Variants in RNF180 observed in about 807,000 individuals in gnomAD.
RNF180 encodes ring finger protein 180, also known as E3 ubiquitin-protein ligase RNF180.
In RNF180, 38 loss-of-function variants were observed where a neutral mutation model predicts 59.2. That is an observed-to-expected ratio of 0.64 (90% confidence interval 0.50 to 0.84). The LOEUF (loss-of-function observed/expected upper bound fraction) is 0.84, where lower values mean the gene tolerates loss of function less well. RNF180 is among the 40% of genes least tolerant of loss of function. RNF180 has a pLI of 0.00. For missense variants in RNF180, 705 were observed against 700.9 expected (o/e 1.01, Z -0.07); for synonymous variants, 262 against 240.3 (o/e 1.09, Z -0.84).
intron 5 of RNF180, among the ~76,000 whole-genome samples, chr5:64,279,261 A>C (rs1330444753): frequency 6.6e-6 from 1 of 152,214 alleles, no homozygotes; most frequent in Non-Finnish European, 1.5e-5. Flanking sequence ...ATGAGAACTA[A>C]AAATAGAGTT....
At chr5:64,335,175 T>G (rs1745068084) in intron 7 of RNF180, among the ~76,000 whole-genome samples, 4 of 152,212 alleles carry the variant, frequency 2.6e-5, no homozygotes, top group Admixed American at 2.6e-4. Flanking sequence ...TGAAATGCTT[T>G]TTTACGATTT....
rs147024440 is a variant in RNF180, at chr5:64,335,970, G to A, written c.1579+5564G>A. ...TTTATAATGTTTTTATAAATATCTC[G>A]CACATCTTTTGGCTAGATTTATTCC... On this transcript the variant is annotated intron_variant, in intron 7 of 7. Coordinates refer to ENST00000389100, the MANE Select transcript of RNF180 (RefSeq NM_001113561.2). Among the ~76,000 whole-genome samples, 183 of 152,018 alleles carry A rather than the reference G, an allele frequency of 1.2e-3. 2 individuals are homozygous for A. In the East Asian group the frequency reaches 0.033, roughly 27 times the overall value.
chr5:64,200,446 A>T (rs561833790), intron 1 of RNF180, among the ~76,000 whole-genome samples: 2 of 152,234 alleles, frequency 1.3e-5, no homozygotes, highest in Non-Finnish European at 2.9e-5. Flanking sequence ...CAAGAGTGAG[A>T]CCCTGTCTAA....
intron 5 of RNF180, among the ~76,000 whole-genome samples, chr5:64,261,843 C>T (rs1001106212): frequency 1.3e-5 from 2 of 151,950 alleles, no homozygotes; most frequent in Admixed American, 6.6e-5. Flanking sequence ...TTTGGCAGAC[C>T]CTCAAAGGCA....
At chr5:64,187,884 T>C (rs529324540) in intron 1 of RNF180, among the ~76,000 whole-genome samples, 1 of 152,330 alleles carries the variant, frequency 6.6e-6, no homozygotes, top group South Asian at 2.1e-4. Flanking sequence ...CTTAAATGAT[T>C]CACGAACAAA....
At chr5:64,309,055 G>A (rs892613663) in intron 5 of RNF180, among the ~76,000 whole-genome samples, 6 of 151,490 alleles carry the variant, frequency 4.0e-5, no homozygotes, top group Admixed American at 2.0e-4. Context: ...CAATCTCCAC[G>A]TAATCAAAAA....
chr5:64,312,916 G>T (rs991825830), intron 5 of RNF180, among the ~76,000 whole-genome samples: 4 of 152,106 alleles, frequency 2.6e-5, no homozygotes, highest in Non-Finnish European at 4.4e-5. Flanking sequence ...GTAAATAAAA[G>T]CTGATTGATC....
Position 64,195,154 on chromosome 5 carries a change from G to C in RNF180, c.1-5654G>C, listed in dbSNP as rs552023322. On this transcript the variant is annotated intron_variant, in intron 1 of 7. Transcript: ENST00000389100. ...GTTTCTCCTTCAAATAAGGAAAACT[G>C]TATAGGAAAATGTTTTCCATGATCT... Among the ~76,000 whole-genome samples, 4 of 152,232 alleles carry C rather than the reference G, an allele frequency of 2.6e-5. No homozygotes were observed. The East Asian group carries it at 7.7e-4, about 29-fold the overall frequency.
At chr5:64,293,024 C>G (rs1376577156) in intron 5 of RNF180, among the ~76,000 whole-genome samples, 2 of 152,198 alleles carry the variant, frequency 1.3e-5, no homozygotes, top group African/African-American at 4.8e-5. Context: ...AATGGTGGTC[C>G]CTCCTCACCC....
intron 5 of RNF180, among the ~76,000 whole-genome samples, chr5:64,264,079 G>C (rs1206657092): frequency 6.6e-6 from 1 of 152,062 alleles, no homozygotes; most frequent in Non-Finnish European, 1.5e-5. Flanking sequence ...CAGGTATGTT[G>C]TGCTTTGTTT....
At chr5:64,331,123 A>C (rs1744888017) in intron 7 of RNF180, among the ~76,000 whole-genome samples, 1 of 152,102 alleles carries the variant, frequency 6.6e-6, no homozygotes, top group African/African-American at 2.4e-5. Flanking sequence ...GCCTAGGCCC[A>C]CTCCAAACTC....
chr5:64,333,362 T>A (rs1744993261), intron 7 of RNF180, among the ~76,000 whole-genome samples: 1 of 152,020 alleles, frequency 6.6e-6, no homozygotes, highest in Non-Finnish European at 1.5e-5. Context: ...AGAAGGAGTT[T>A]CGTCATGTTG....
chr5:64,174,471 AT>A (rs1264146288), intron 1 of RNF180, among the ~76,000 whole-genome samples: 3 of 151,084 alleles, frequency 2.0e-5, no homozygotes, highest in South Asian at 2.1e-4. Flanking sequence ...AGCATTTGTT[AT>A]TTTTTTTTCT....
intron 2 of RNF180, among the ~76,000 whole-genome samples, chr5:64,207,745 A>G (rs1752092881): frequency 6.6e-6 from 1 of 152,150 alleles, no homozygotes. Context: ...TTACCCTTAA[A>G]GTACCTTCTC....
intron 5 of RNF180, among the ~76,000 whole-genome samples, chr5:64,262,340 A>G (rs991979691): frequency 2.0e-5 from 3 of 152,162 alleles, no homozygotes; most frequent in African/African-American, 7.2e-5. Flanking sequence ...CCATCAATTA[A>G]TGCATCTGTG....
In RNF180 at chr5:64,328,171, C is replaced by T. The variant is rs559215806; in HGVS notation, c.1454-2110C>T. ...CAAGGACATTTAGAAAGTTGTGAGT[C>T]AATTTTCCCAAGAGTTAATACAATA... On this transcript the variant is annotated intron_variant, in intron 6 of 7. Transcript: ENST00000389100. Among the ~76,000 whole-genome samples, 105 of 152,188 alleles carry T rather than the reference C, an allele frequency of 6.9e-4. 1 individual carries two copies. The highest frequency in any genetic ancestry group is 2.5e-3 in the African/African-American group (103 of 41,510).
chr5:64,322,602 CGTGTGTGTGTGTGTGTGTGTGT>C (rs76117470), intron 5 of RNF180, among the ~76,000 whole-genome samples: 1 of 143,428 alleles, frequency 7.0e-6, no homozygotes, highest in Non-Finnish European at 1.5e-5. Context: ...TATATATATA[CGTGTGTGTGTGTGTGTGTGTGT>C]GTGTGTGTGT....
chr5:64,169,810 T>G (rs1398268595), intron 1 of RNF180, among the ~76,000 whole-genome samples: 1 of 152,258 alleles, frequency 6.6e-6, no homozygotes, highest in East Asian at 1.9e-4. Context: ...CAAAGAAGTC[T>G]TGTGCAGCTA....
chr5:64,185,719 G>C (rs1419453556), intron 1 of RNF180, among the ~76,000 whole-genome samples: 1 of 152,194 alleles, frequency 6.6e-6, no homozygotes, highest in Admixed American at 6.5e-5. Flanking sequence ...AAGGCAGCCT[G>C]TGGTATTGAG....
Sources: allele counts gnomAD v4.1 joint callset (sites outside exome capture counted in the v4.1 genomes callset), GRCh38; gene constraint gnomAD v4.1.1; transcripts MANE v1.5; gene names NCBI Gene and HGNC (gene_info 2026-07-23, HGNC 2026-07-21).